The following NCOA2 variants were observed in gnomAD, a reference collection of about 807,000 sequenced individuals.
NCOA2 encodes the protein class E basic helix-loop-helix protein 75.
Under a neutral mutation model 145.1 loss-of-function variants are expected in NCOA2, and 21 were observed. That is an observed-to-expected ratio of 0.14 (90% CI 0.10 to 0.21). The LOEUF is 0.21. Among genes scored for constraint, NCOA2 ranks in the 10% least tolerant of loss-of-function variants. The pLI, the probability that NCOA2 is intolerant of heterozygous loss-of-function variation, is 1.00. For synonymous variants in NCOA2, 619 were observed against 637.5 expected (o/e 0.97, Z 0.44); for missense variants, 1,472 against 1,837.6 (o/e 0.80, Z 3.64).
At chr8:70,233,498 T>C (rs1296321642) in intron 2 of NCOA2, among the ~76,000 whole-genome samples, 1 of 152,206 alleles carries the variant, frequency 6.6e-6, no homozygotes, top group Non-Finnish European at 1.5e-5. Context: ...TCCTATTCCC[T>C]TCCACTCACT....
At chr8:70,436,505 T>C in the NCOA2 span, among the ~76,000 whole-genome samples, 1 of 152,188 alleles carries the variant, frequency 6.6e-6, no homozygotes, top group Non-Finnish European at 1.5e-5. Flanking sequence ...TGTTCCCATA[T>C]CAGTAAGCCA....
At chr8:70,329,394 A>AGCCACTG (rs1806879071) in intron 1 of NCOA2, among the ~76,000 whole-genome samples, 1 of 152,114 alleles carries the variant, frequency 6.6e-6, no homozygotes, top group East Asian at 1.9e-4. Flanking sequence ...TACAGGCATA[A>AGCCACTG]GCCACTGTTT....
intron 2 of NCOA2, among the ~76,000 whole-genome samples, chr8:70,226,157 A>C (rs1820616400): frequency 6.6e-6 from 1 of 152,182 alleles, no homozygotes; most frequent in Admixed American, 6.5e-5. Flanking sequence ...TTAGCAGTTA[A>C]ATTATTTCAA....
At chr8:70,257,540 T>C (rs1443181194) in intron 2 of NCOA2, among the ~76,000 whole-genome samples, 3 of 152,122 alleles carry the variant, frequency 2.0e-5, no homozygotes, top group Non-Finnish European at 4.4e-5. Flanking sequence ...GGCAGGAGGA[T>C]TAGAGAAGAG....
At chr8:70,128,232 G>A (rs1808664638) in intron 18 of NCOA2, among the ~76,000 whole-genome samples, 1 of 152,166 alleles carries the variant, frequency 6.6e-6, no homozygotes, top group African/African-American at 2.4e-5. Context: ...AGAATAACAA[G>A]AATTGACTGT....
intron 22 of NCOA2, among the ~76,000 whole-genome samples, chr8:70,117,130 G>A (rs1016653762): frequency 1.3e-5 from 2 of 152,254 alleles, no homozygotes; most frequent in African/African-American, 4.8e-5. Context: ...TGGGCCACCA[G>A]GATGCACGTG....
chr8:70,265,863 C>T (rs747472244), intron 2 of NCOA2, among the ~76,000 whole-genome samples: 1 of 151,918 alleles, frequency 6.6e-6, no homozygotes, highest in Non-Finnish European at 1.5e-5. Context: ...GAGACAGAGT[C>T]GGCTGGGCGT....
At chr8:70,171,702 G>A (rs1040589084) in intron 5 of NCOA2, among the ~76,000 whole-genome samples, 4 of 152,128 alleles carry the variant, frequency 2.6e-5, no homozygotes, top group East Asian at 1.9e-4. Flanking sequence ...CTTGCTCTCC[G>A]CCCAGCCTGG....
At chr8:70,162,060 C>G in intron 9 of NCOA2, among the ~76,000 whole-genome samples, 1 of 152,174 alleles carries the variant, frequency 6.6e-6, no homozygotes, top group South Asian at 2.1e-4. Context: ...CCTGAACCTC[C>G]TCGTCCCCTT....
At chr8:70,242,745 C>T (rs1442698671) in intron 2 of NCOA2, among the ~76,000 whole-genome samples, 2 of 151,988 alleles carry the variant, frequency 1.3e-5, no homozygotes, top group Non-Finnish European at 2.9e-5. Context: ...AAACTTTTAC[C>T]TTCTCAAAAA....
intron 2 of NCOA2, among the ~76,000 whole-genome samples, chr8:70,274,023 T>C (rs1224507361): frequency 6.6e-6 from 1 of 152,224 alleles, no homozygotes; most frequent in Admixed American, 6.5e-5. Context: ...CAGTTTTTGC[T>C]TATACGCAAT....
rs577684522 is a variant in NCOA2 at position 70,170,167 on chromosome 8, C to T, written c.541+35G>A. 332 of 1,598,620 alleles carry T rather than the reference C, an allele frequency of 2.1e-4. 4 individuals carry two copies. The South Asian group carries it at 3.3e-3, about 16-fold the overall frequency. On this transcript the variant is annotated intron_variant, in intron 6 of 22. Coordinates refer to ENST00000452400, the MANE Select transcript of NCOA2 (RefSeq NM_006540.4). ...TATGAGGCAGGGCAGGTGGGGGTGA[C>T]GGGAGGTAGGGAGGGAGACCCAGCA...
chr8:70,194,771 T>A (rs1817092991), intron 4 of NCOA2, among the ~76,000 whole-genome samples: 1 of 151,400 alleles, frequency 6.6e-6, no homozygotes, highest in Admixed American at 6.6e-5. Flanking sequence ...AAAATATTCT[T>A]CCTAGTAAAC....
At chr8:70,329,085 G>C (rs143707854) in intron 1 of NCOA2, among the ~76,000 whole-genome samples, 1 of 152,166 alleles carries the variant, frequency 6.6e-6, no homozygotes, top group African/African-American at 2.4e-5. Context: ...CATCTAAGGA[G>C]CTAGGACCAC....
In NCOA2 at chr8:70,138,780, G is replaced by A. The variant is rs1239387195; in HGVS notation, c.3029-448C>T. Among the ~76,000 whole-genome samples, 7 of 152,208 alleles carry A rather than the reference G, an allele frequency of 4.6e-5. No individual in the cohort carries two copies. The East Asian group carries it at 1.2e-3, about 25-fold the overall frequency. On this transcript the variant is annotated intron_variant, in intron 14 of 22. Coordinates refer to ENST00000452400, the MANE Select transcript of NCOA2 (RefSeq NM_006540.4). The stretch of plus-strand genomic sequence containing the variant: ...ATTAAAAAATTCTTTTATTGGCATC[G>A]TTTTACATTTCTGCAAATAGCTTTA...
At chr8:70,143,336 A>G (rs986153103) in intron 13 of NCOA2, among the ~76,000 whole-genome samples, 1 of 152,274 alleles carries the variant, frequency 6.6e-6, no homozygotes, top group Admixed American at 6.5e-5. Context: ...GGATTTTAAT[A>G]CAGGCCTATT....
chr8:70,370,576 A>G (rs1074822), intron 1 of NCOA2, among the ~76,000 whole-genome samples: 4,267 of 152,208 alleles, frequency 0.028, 288 homozygotes, highest in Admixed American at 0.16. Flanking sequence ...CTTCACCTGG[A>G]TATGTTCTAA....
the NCOA2 span, among the ~76,000 whole-genome samples, chr8:70,448,028 A>T: frequency 6.6e-6 from 1 of 151,952 alleles, no homozygotes; most frequent in Admixed American, 6.5e-5. Flanking sequence ...ACAATCTTTG[A>T]TATTCTTATT....
chr8:70,420,432 G>A, the NCOA2 span, among the ~76,000 whole-genome samples: 6 of 152,210 alleles, frequency 3.9e-5, no homozygotes, highest in East Asian at 1.2e-3. Context: ...CCCCAGGTGA[G>A]TCTAATGTGA....
Sources: allele counts gnomAD v4.1 joint callset (sites outside exome capture counted in the v4.1 genomes callset), GRCh38; gene constraint gnomAD v4.1.1; transcripts MANE v1.5; gene names NCBI Gene and HGNC (gene_info 2026-07-23, HGNC 2026-07-21).